Variants in REEP3 observed in about 807,000 individuals in gnomAD.
REEP3 encodes receptor accessory protein 3.
Under a neutral mutation model 41.3 loss-of-function variants are expected in REEP3, and 20 were observed. The observed-to-expected ratio is 0.48, with a 90% CI of 0.34 to 0.70. REEP3 has a LOEUF of 0.70. REEP3 is among the 30% of genes least tolerant of loss of function. REEP3 has a pLI of 0.01. For synonymous variants in REEP3, 104 were observed against 101.8 expected (o/e 1.02, Z -0.13); for missense variants, 271 against 308.8 (o/e 0.88, Z 0.92).
At chr10:63,526,671 AT>A (rs1433794950) in intron 1 of REEP3, among the ~76,000 whole-genome samples, 1 of 152,006 alleles carries the variant, frequency 6.6e-6, no homozygotes, top group Non-Finnish European at 1.5e-5. Flanking sequence ...GCTTGTCCAG[AT>A]TTTTATTAAT....
intron 5 of REEP3, among the ~76,000 whole-genome samples, chr10:63,609,233 A>G (rs1295077673): frequency 6.8e-6 from 1 of 146,922 alleles, no homozygotes; most frequent in Non-Finnish European, 1.5e-5. Flanking sequence ...CAGGCGGATC[A>G]CGAGTTCAGG....
At position 63,525,356 on chromosome 10, in the gene REEP3, C is replaced by T. The variant is rs140399156; in HGVS notation, c.32+3779C>T. 2.8e-4 allele frequency among the ~76,000 whole-genome samples: 43 copies of T among 152,228 alleles called. No individual in the cohort carries two copies. The East Asian group carries it at 5.4e-3, about 19-fold the overall frequency. On this transcript the variant is annotated intron_variant, in intron 1 of 7. Coordinates refer to ENST00000373758, the MANE Select transcript of REEP3 (RefSeq NM_001001330.3). The stretch of plus-strand genomic sequence containing the variant: ...CTGTGATGATATGAAAGTATTTTTC[C>T]ATTACTTACAGTCTGTTCAATCTCA...
intron 2 of REEP3, among the ~76,000 whole-genome samples, chr10:63,578,122 C>T (rs539268812): frequency 6.6e-6 from 1 of 152,136 alleles, no homozygotes; most frequent in South Asian, 2.1e-4. Flanking sequence ...TATTTAAAGT[C>T]GGAGTCTTGC....
chr10:63,521,707 G>A (rs1955251903), intron 1 of REEP3, 130 bp downstream of exon 1: 1 of 540,096 alleles, frequency 1.9e-6, no homozygotes, highest in Non-Finnish European at 2.8e-6. Context: ...CGGGCCTGCC[G>A]AGGGTCTGGG....
At chr10:63,617,812 CTTTTTTTTTTTT>C (rs60910642) in intron 6 of REEP3, among the ~76,000 whole-genome samples, 5,569 of 83,578 alleles carry the variant, frequency 0.067, 229 homozygotes, top group African/African-American at 0.13. Flanking sequence ...TCCTTCTACT[CTTTTTTTTTTTT>C]TTTTTTTTTT....
At chr10:63,590,186 T>A (rs942274398) in intron 2 of REEP3, among the ~76,000 whole-genome samples, 1 of 152,162 alleles carries the variant, frequency 6.6e-6, no homozygotes, top group African/African-American at 2.4e-5. Context: ...CACCTCAGCT[T>A]CCCATGTAGC....
chr10:63,547,066 C>T (rs1032624788), intron 1 of REEP3, among the ~76,000 whole-genome samples: 2 of 152,058 alleles, frequency 1.3e-5, no homozygotes, highest in African/African-American at 4.8e-5. Context: ...GGATTACAGG[C>T]GCCCGCCACC....
chr10:63,527,214 C>G (rs1186600958), intron 1 of REEP3, among the ~76,000 whole-genome samples: 1 of 152,124 alleles, frequency 6.6e-6, no homozygotes, highest in Non-Finnish European at 1.5e-5. Context: ...TTTCCCCCTT[C>G]TTTTCAGCTT....
At chr10:63,606,294 C>A (rs146446415) in intron 5 of REEP3, among the ~76,000 whole-genome samples, 2 of 59,766 alleles carry the variant, frequency 3.3e-5, no homozygotes, top group African/African-American at 1.0e-4. Flanking sequence ...TCTTTCCTTT[C>A]TTTCTTTCTC....
chr10:63,540,978 A>G (rs1955522960), intron 1 of REEP3, among the ~76,000 whole-genome samples: 1 of 152,182 alleles, frequency 6.6e-6, no homozygotes, highest in African/African-American at 2.4e-5. Context: ...ATGAAATTAG[A>G]TAATCAAATG....
chr10:63,564,797 C>G (rs758035144), intron 1 of REEP3, among the ~76,000 whole-genome samples: 1 of 151,860 alleles, frequency 6.6e-6, no homozygotes, highest in Admixed American at 6.6e-5. Flanking sequence ...ATGTGTGTAC[C>G]CCTTGAAGCA....
chr10:63,597,194 T>G (rs1230260106), intron 3 of REEP3, among the ~76,000 whole-genome samples: 4 of 152,158 alleles, frequency 2.6e-5, no homozygotes, highest in African/African-American at 9.7e-5. Context: ...GTATTTTCCT[T>G]GGAAGTGAAC....
At chr10:63,578,904 T>G (rs1265838494) in intron 2 of REEP3, among the ~76,000 whole-genome samples, 2 of 152,238 alleles carry the variant, frequency 1.3e-5, no homozygotes, top group Non-Finnish European at 2.9e-5. Context: ...GGTTATTATT[T>G]CTTTATAAAC....
chr10:63,538,112 A>G (rs1354760599), intron 1 of REEP3, among the ~76,000 whole-genome samples: 1 of 152,198 alleles, frequency 6.6e-6, no homozygotes, highest in Non-Finnish European at 1.5e-5. Context: ...AGACAGGCCT[A>G]AGAGATAGTG....
In REEP3 at chr10:63,619,720, G is replaced by A; in HGVS notation, c.631G>A (p.Asp211Asn). The A allele has an allele frequency of 6.2e-7, 1 of 1,607,914 alleles. No homozygotes were observed. Among genetic ancestry groups the A allele is most frequent in the Non-Finnish European group, 8.5e-7 (1 of 1,177,020 alleles). ...TGAAGAAGCAGAGGGGCCATATTCA[G>A]ATAATGAGATGTTAACACACAAAGG... ...TDEEAEGPYS[D>N]NEMLTHKGLR... The change falls in exon 7 of 8, where the codon GAT becomes AAT. Residue 211 changes from aspartate to asparagine, a missense_variant. Coordinates refer to ENST00000373758, the MANE Select transcript of REEP3 (RefSeq NM_001001330.3).
rs1448956459 is a variant in REEP3 at position 63,525,553 on chromosome 10, G to A, written c.32+3976G>A. Among the ~76,000 whole-genome samples, 3 of 152,048 alleles carry A rather than the reference G, an allele frequency of 2.0e-5. No individual in the cohort carries two copies. The East Asian group carries it at 5.8e-4, about 29-fold the overall frequency. ...CCTGCCTCAGCCTCCCAAGTGGCTG[G>A]GATTACAGACATGTGCTACCATGCC... is the stretch of plus-strand genomic sequence containing the variant. On this transcript the variant is annotated intron_variant, in intron 1 of 7. Coordinates refer to ENST00000373758, the MANE Select transcript of REEP3 (RefSeq NM_001001330.3).
chr10:63,584,297 A>G (rs1042357453), intron 2 of REEP3, among the ~76,000 whole-genome samples: 2 of 152,098 alleles, frequency 1.3e-5, no homozygotes, highest in Admixed American at 6.6e-5. Context: ...CTCCCAAGTC[A>G]TTGGTGTACT....
intron 3 of REEP3, among the ~76,000 whole-genome samples, chr10:63,595,525 G>T (rs751120703): frequency 6.6e-6 from 1 of 151,716 alleles, no homozygotes; most frequent in Non-Finnish European, 1.5e-5. Context: ...ATCTTCATCT[G>T]CCCTTGACGC....
At chr10:63,549,128 T>C (rs928068416) in intron 1 of REEP3, among the ~76,000 whole-genome samples, 6 of 152,248 alleles carry the variant, frequency 3.9e-5, no homozygotes, top group African/African-American at 7.2e-5. Flanking sequence ...GGTTTTCATG[T>C]TCTCATGGGG....
Sources: gnomAD v4.1 joint callset for allele counts (sites outside exome capture counted in the v4.1 genomes callset) on GRCh38, gnomAD v4.1.1 for gene constraint, MANE v1.5 for transcripts, NCBI Gene and HGNC (gene_info 2026-07-23, HGNC 2026-07-21) for gene names.